The following SLCO2A1 variants were observed in gnomAD, a reference collection of about 807,000 sequenced individuals.
SLCO2A1 encodes the protein solute carrier organic anion transporter family member 2A1.
Under a neutral mutation model 71.7 loss-of-function variants are expected in SLCO2A1, and 60 were observed. The ratio of observed to expected loss-of-function variants is 0.84; its 90% CI spans 0.68 to 1.04. The LOEUF (loss-of-function observed/expected upper bound fraction) is 1.04, where lower values mean the gene tolerates loss of function less well. Ranked by LOEUF, SLCO2A1 falls within the 50% of genes least tolerant of loss-of-function variation. The pLI, the probability that SLCO2A1 is intolerant of heterozygous loss-of-function variation, is 0.00. For synonymous variants in SLCO2A1, 308 were observed against 326.7 expected, an observed-to-expected ratio of 0.94 and a Z score of 0.62; for missense variants, 745 against 813.4, an observed-to-expected ratio of 0.92 and a Z score of 1.02.
intron 13 of SLCO2A1, 80 bp downstream of exon 13, chr3:133,935,694 A>T: frequency 7.1e-7 from 1 of 1,409,716 alleles, no homozygotes. Flanking sequence ...CAGCCCCCAC[A>T]GTAGCCACTG....
At chr3:133,996,613 G>A (rs1326247249) in intron 1 of SLCO2A1, among the ~76,000 whole-genome samples, 1 of 152,118 alleles carries the variant, frequency 6.6e-6, no homozygotes, top group Non-Finnish European at 1.5e-5. Context: ...TCTGGCATGG[G>A]AACATTTCCA....
intron 3 of SLCO2A1, among the ~76,000 whole-genome samples, chr3:133,967,663 G>A (rs1210508832): frequency 6.6e-6 from 1 of 151,876 alleles, no homozygotes; most frequent in Admixed American, 6.6e-5. Flanking sequence ...GAGTTAAATA[G>A]ATCCACTGGC....
At chr3:133,941,524 C>A (rs551984215) in intron 11 of SLCO2A1, among the ~76,000 whole-genome samples, 3 of 151,798 alleles carry the variant, frequency 2.0e-5, no homozygotes, top group Non-Finnish European at 1.5e-5. Context: ...TCTCTGCTTG[C>A]GAGGTGAGTG....
At chr3:133,964,647 C>T (rs1934122562) in intron 3 of SLCO2A1, among the ~76,000 whole-genome samples, 1 of 152,208 alleles carries the variant, frequency 6.6e-6, no homozygotes, top group Non-Finnish European at 1.5e-5. Context: ...GGAGGAACTG[C>T]TCTGCTTCTC....
intron 1 of SLCO2A1, among the ~76,000 whole-genome samples, chr3:134,017,988 C>T (rs181347409): frequency 2.0e-5 from 3 of 152,268 alleles, no homozygotes; most frequent in African/African-American, 4.8e-5. Context: ...ATCTATACTG[C>T]GAAACATACA....
At position 134,029,490 on chromosome 3, in the gene SLCO2A1, T is replaced by A. The variant is rs201612037; in HGVS notation, c.96+217A>T. Among the ~76,000 whole-genome samples the A allele has an allele frequency of 4.4e-3, 355 of 80,466 alleles. 3 individuals are homozygous for A. The highest frequency in any genetic ancestry group is 0.021 in the African/African-American group (339 of 16,204). 52.8% of individuals were successfully genotyped at this position (80,466 alleles called of 152,430 possible). A position where few individuals can be genotyped will look rare whatever the true frequency, so the allele number is the denominator to read the frequency against. On this transcript the variant is annotated intron_variant, in intron 1 of 13. Transcript: ENST00000310926. ...GGCGTGTGAACACACACACACACAC[T>A]CGCACGCACACACACACGCTCACAC...
chr3:133,978,409 C>A (rs543017861), intron 2 of SLCO2A1, among the ~76,000 whole-genome samples: 1 of 152,030 alleles, frequency 6.6e-6, no homozygotes, highest in South Asian at 2.1e-4. Flanking sequence ...CTCCTAGGAC[C>A]GTAGAAGGGA....
At chr3:133,983,297 C>T (rs537386557) in intron 1 of SLCO2A1, among the ~76,000 whole-genome samples, 5 of 152,276 alleles carry the variant, frequency 3.3e-5, no homozygotes, top group East Asian at 1.9e-4. Flanking sequence ...ACGGATAACT[C>T]GGTTCAGATT....
intron 3 of SLCO2A1, among the ~76,000 whole-genome samples, chr3:133,971,395 A>T (rs1401224103): frequency 6.6e-6 from 1 of 152,248 alleles, no homozygotes; most frequent in African/African-American, 2.4e-5. Flanking sequence ...AGCAGGATTC[A>T]GCCCCACAGA....
At chr3:133,947,756 G>T (rs1933622888) in intron 8 of SLCO2A1, among the ~76,000 whole-genome samples, 1 of 152,116 alleles carries the variant, frequency 6.6e-6, no homozygotes, top group Non-Finnish European at 1.5e-5. Flanking sequence ...TCTTTGCATG[G>T]GACCGCATGG....
intron 1 of SLCO2A1, among the ~76,000 whole-genome samples, chr3:133,979,902 G>A (rs1376138314): frequency 6.6e-6 from 1 of 152,172 alleles, no homozygotes; most frequent in Non-Finnish European, 1.5e-5. Flanking sequence ...ATATGACAGG[G>A]TTGGGGACTC....
chr3:133,943,895 G>T (rs1933495907), intron 10 of SLCO2A1, among the ~76,000 whole-genome samples: 1 of 152,172 alleles, frequency 6.6e-6, no homozygotes, highest in Non-Finnish European at 1.5e-5. Context: ...CACTAGGCTT[G>T]CCCATCCCCT....
intron 12 of SLCO2A1, among the ~76,000 whole-genome samples, chr3:133,937,773 T>C (rs1933308803): frequency 6.6e-6 from 1 of 152,218 alleles, no homozygotes; most frequent in Non-Finnish European, 1.5e-5. Flanking sequence ...TTGTGTTAAG[T>C]CTAGTGCACA....
In SLCO2A1 at chr3:133,964,745, A is replaced by C. The variant is rs375157524; in HGVS notation, c.397+8918T>G. The stretch of plus-strand genomic sequence containing the variant: ...CCACCTTGGCACTAGAGGGGGCCCT[A>C]GGGAAAATGCCTACTTGTATTGAGG... On this transcript the variant is annotated intron_variant, in intron 3 of 13. Coordinates refer to ENST00000310926, the MANE Select transcript of SLCO2A1 (RefSeq NM_005630.3). Among the ~76,000 whole-genome samples the C allele has an allele frequency of 1.4e-4, 22 of 152,330 alleles. 1 individual carries two copies. The highest frequency in any genetic ancestry group is 2.6e-4 in the African/African-American group (11 of 41,572).
chr3:133,997,857 T>C (rs1324637986), intron 1 of SLCO2A1, among the ~76,000 whole-genome samples: 1 of 152,232 alleles, frequency 6.6e-6, no homozygotes, highest in African/African-American at 2.4e-5. Flanking sequence ...TTACAGACTG[T>C]AAAATGACGG....
chr3:133,994,305 A>ATAG (rs1010275700), intron 1 of SLCO2A1, among the ~76,000 whole-genome samples: 43 of 152,338 alleles, frequency 2.8e-4, no homozygotes, highest in African/African-American at 1.0e-3. Flanking sequence ...GAGTTGGCAA[A>ATAG]TAGTAGCAGG....
In SLCO2A1 at chr3:133,935,763, T is replaced by A. The variant is rs1228962945; in HGVS notation, c.1814+11A>T. On this transcript the variant is annotated intron_variant, in intron 13 of 13. Transcript: ENST00000310926. ...CTGGCTCTGGGACACACATACATGA[T>A]GGGCCCTCACCTGTCTCGGAGAGCA... 5 of 1,583,774 alleles carry A rather than the reference T, an allele frequency of 3.2e-6. No homozygotes were observed. Among genetic ancestry groups the A allele is most frequent in the Non-Finnish European group, 4.3e-6 (5 of 1,162,340 alleles).
intron 1 of SLCO2A1, among the ~76,000 whole-genome samples, chr3:133,991,531 A>G (rs1934845325): frequency 6.6e-6 from 1 of 152,266 alleles, no homozygotes; most frequent in Admixed American, 6.5e-5. Flanking sequence ...CATAGCAATG[A>G]CAAAAGGTAT....
At chr3:134,005,322 AT>A (rs1279503506) in intron 1 of SLCO2A1, among the ~76,000 whole-genome samples, 2 of 152,042 alleles carry the variant, frequency 1.3e-5, no homozygotes, top group African/African-American at 2.4e-5. Flanking sequence ...GCATTCTTCT[AT>A]TACATCTTCT....
Sources: allele counts gnomAD v4.1 joint callset (sites outside exome capture counted in the v4.1 genomes callset), GRCh38; gene constraint gnomAD v4.1.1; transcripts MANE v1.5; gene names NCBI Gene and HGNC (gene_info 2026-07-23, HGNC 2026-07-21).